SH3KBP1: variants seen among roughly 807,000 people sequenced by gnomAD.
SH3KBP1 encodes the protein SH3 domain containing kinase binding protein 1, also known as SH3 domain-containing kinase-binding protein 1.
In SH3KBP1, 8 loss-of-function variants were observed where a neutral mutation model predicts 50.1. The observed-to-expected ratio is 0.16, with a 90% confidence interval of 0.09 to 0.29. The LOEUF (loss-of-function observed/expected upper bound fraction) is 0.29. SH3KBP1 is among the 10% of genes least tolerant of loss of function. SH3KBP1 has a pLI of 1.00. For synonymous variants in SH3KBP1, 227 were observed against 218.6 expected, an observed-to-expected ratio of 1.04 and a Z score of -0.34; for missense variants, 377 against 535.2, an observed-to-expected ratio of 0.70 and a Z score of 2.92.
intron 2 of SH3KBP1, among the ~76,000 whole-genome samples, chrX:19,776,962 C>T (rs2066000798): frequency 9.0e-6 from 1 of 110,895 alleles, no homozygotes; most frequent in South Asian, 3.8e-4. Flanking sequence ...AACCGCCTGC[C>T]ACCTGAATCT....
At chrX:19,674,576 T>C (rs1376837211) in intron 6 of SH3KBP1, among the ~76,000 whole-genome samples, 1 of 112,055 alleles carries the variant, frequency 8.9e-6, no homozygotes, top group Non-Finnish European at 1.9e-5. Context: ...TCTTCATTCA[T>C]CCAGTCCACA....
intron 1 of SH3KBP1, among the ~76,000 whole-genome samples, chrX:19,839,421 CT>C (rs1162763568): frequency 1.9e-5 from 2 of 107,648 alleles, no homozygotes; most frequent in African/African-American, 6.8e-5. Flanking sequence ...ACTGCAACCT[CT>C]GTCTCCCAGG....
intron 2 of SH3KBP1, among the ~76,000 whole-genome samples, chrX:19,835,763 T>C (rs746467807): frequency 4.6e-5 from 5 of 108,689 alleles, no homozygotes; most frequent in African/African-American, 1.7e-4. Flanking sequence ...ATTTTTTTTT[T>C]AGTAGAGATG....
intron 3 of SH3KBP1, among the ~76,000 whole-genome samples, chrX:19,710,659 C>T (rs1689767479): frequency 9.0e-6 from 1 of 111,362 alleles, no homozygotes; most frequent in South Asian, 3.8e-4. Context: ...ATAAATTAAT[C>T]TTTCTCATAG....
At position 19,787,523 on chromosome X, in the gene SH3KBP1, G is replaced by A. The variant is rs143366032; in HGVS notation, c.163-41082C>T. Among the ~76,000 whole-genome samples the A allele has an allele frequency of 1.8e-4, 20 of 111,465 alleles. No homozygotes were observed. In the East Asian group the frequency reaches 5.3e-3, roughly 30 times the overall value. ...AAAAAAGATCCAAATTCAACAAATT[G>A]AATCCTCTTGGCATGCTCTGCACAC... On this transcript the variant is annotated intron_variant, in intron 2 of 17. Transcript: ENST00000397821.
chrX:19,574,372 C>T (rs2066132111), intron 12 of SH3KBP1, among the ~76,000 whole-genome samples: 2 of 112,601 alleles, frequency 1.8e-5, no homozygotes, highest in South Asian at 7.2e-4. Flanking sequence ...AATGAATAAG[C>T]AAACATTGTG....
chrX:19,588,860 T>G, intron 11 of SH3KBP1, 58 bp from the exon 12 acceptor site: 1 of 944,422 alleles, frequency 1.1e-6, no homozygotes, highest in East Asian at 3.3e-5. Flanking sequence ...AGTACTTAGA[T>G]GCAGATCACT....
chrX:19,559,250 T>G (rs2065590351), intron 13 of SH3KBP1, among the ~76,000 whole-genome samples: 1 of 62,758 alleles, frequency 1.6e-5, no homozygotes. Context: ...CCAGTCTGGG[T>G]GACAGAGTGA....
At chrX:19,676,057 G>T (rs189256166) in intron 6 of SH3KBP1, among the ~76,000 whole-genome samples, 1 of 111,566 alleles carries the variant, frequency 9.0e-6, no homozygotes, top group East Asian at 2.8e-4. Context: ...AAAAACCACA[G>T]GTTTTCCAAC....
chrX:19,821,649 C>T (rs921991820), intron 2 of SH3KBP1, among the ~76,000 whole-genome samples: 1 of 110,457 alleles, frequency 9.1e-6, no homozygotes, highest in Non-Finnish European at 1.9e-5. Flanking sequence ...CTGCCTCAGC[C>T]TCCCGAGTAG....
chrX:19,675,908 C>A (rs866175428), intron 6 of SH3KBP1, among the ~76,000 whole-genome samples: 1 of 111,868 alleles, frequency 8.9e-6, no homozygotes, highest in Non-Finnish European at 1.9e-5. Context: ...CCTACCAACT[C>A]CCCTCCTCCT....
At chrX:19,852,171 G>A (rs757615532) in intron 1 of SH3KBP1, among the ~76,000 whole-genome samples, 16 of 111,142 alleles carry the variant, frequency 1.4e-4, no homozygotes, top group Non-Finnish European at 2.1e-4. Context: ...AATTTGCACT[G>A]AGACACACCA....
chrX:19,858,411 A>T lies in SH3KBP1; in HGVS notation c.5-22129T>A, dbSNP rs187490569. ...CAAGGCAGGAGGATCACTTGAGGTCAGGAGTTCAAGACCAGCCTGGCCAAC... is the reference window on the plus strand; with the variant it reads ...CAAGGCAGGAGGATCACTTGAGGTCTGGAGTTCAAGACCAGCCTGGCCAAC... On this transcript the variant is annotated intron_variant, in intron 1 of 17. Coordinates refer to ENST00000397821, the MANE Select transcript of SH3KBP1 (RefSeq NM_031892.3). 2.3e-3 allele frequency among the ~76,000 whole-genome samples: 260 copies of T among 110,941 alleles called. 1 individual carries two copies. The highest frequency in any genetic ancestry group is 0.014 in the Middle Eastern group (3 of 217).
chrX:19,749,504 A>G (rs1330988954), intron 2 of SH3KBP1, among the ~76,000 whole-genome samples: 1 of 113,260 alleles, frequency 8.8e-6, no homozygotes, highest in Non-Finnish European at 1.9e-5. Flanking sequence ...AAGTTCTGAT[A>G]CATGCTACAA....
intron 5 of SH3KBP1, chrX:19,687,728 A>G (rs2063197935): frequency 9.5e-7 from 1 of 1,047,923 alleles, no homozygotes. Context: ...GGAGAGAAAA[A>G]CAAGAGAGGG....
chrX:19,676,642 CA>C (rs199650100), intron 6 of SH3KBP1, among the ~76,000 whole-genome samples: 24 of 108,142 alleles, frequency 2.2e-4, no homozygotes, highest in Admixed American at 4.0e-4. Flanking sequence ...AAATTAAATA[CA>C]AAAAAAAAGA....
intron 2 of SH3KBP1, among the ~76,000 whole-genome samples, chrX:19,829,379 G>A (rs1032813634): frequency 9.1e-6 from 1 of 110,115 alleles, no homozygotes; most frequent in African/African-American, 3.3e-5. Flanking sequence ...CCTAGGGGGA[G>A]AGGAATCATT....
At chrX:19,541,506 G>A (rs1272635049) in intron 16 of SH3KBP1, among the ~76,000 whole-genome samples, 1 of 112,157 alleles carries the variant, frequency 8.9e-6, no homozygotes, top group Non-Finnish European at 1.9e-5. Context: ...CAGGCCAACT[G>A]CTTCATCTGG....
chrX:19,657,200 G>A (rs181630925), intron 6 of SH3KBP1, among the ~76,000 whole-genome samples: 52 of 109,399 alleles, frequency 4.8e-4, no homozygotes, highest in African/African-American at 1.5e-3. Context: ...AACACAGTAA[G>A]ACCTTATCTC....
Sources: allele counts gnomAD v4.1 joint callset (sites outside exome capture counted in the v4.1 genomes callset), GRCh38; gene constraint gnomAD v4.1.1; transcripts MANE v1.5; gene names NCBI Gene and HGNC (gene_info 2026-07-23, HGNC 2026-07-21).